Variants in HOMER1 observed in about 807,000 individuals in gnomAD.
HOMER1 encodes homer protein homolog 1.
Under a neutral mutation model 48.9 loss-of-function variants are expected in HOMER1, and 3 were observed. The observed-to-expected ratio is 0.06, with a 90% CI of 0.03 to 0.16. The LOEUF (loss-of-function observed/expected upper bound fraction) is 0.16. HOMER1 is among the 10% of genes least tolerant of loss of function. The pLI is 1.00. For synonymous variants in HOMER1, 134 were observed against 146.4 expected, an observed-to-expected ratio of 0.92 and a Z score of 0.61; for missense variants, 247 against 411.4, an observed-to-expected ratio of 0.60 and a Z score of 3.46.
At chr5:79,405,942 G>A in intron 5 of HOMER1, among the ~76,000 whole-genome samples, 1 of 152,174 alleles carries the variant, frequency 6.6e-6, no homozygotes, top group Non-Finnish European at 1.5e-5. Flanking sequence ...TATCAGGCAT[G>A]CATATACGGT....
intron 1 of HOMER1, among the ~76,000 whole-genome samples, chr5:79,490,238 C>T (rs548844351): frequency 6.6e-6 from 1 of 152,176 alleles, no homozygotes; most frequent in Non-Finnish European, 1.5e-5. Flanking sequence ...CTAATGCTAC[C>T]ATAAGAATTT....
In HOMER1 at chr5:79,503,583, G is replaced by A. The variant is rs528258028; in HGVS notation, c.5+9187C>T. Among the ~76,000 whole-genome samples the A allele has an allele frequency of 6.0e-5, 9 of 150,510 alleles. No individual in the cohort carries two copies. The East Asian group carries it at 9.7e-4, about 16-fold the overall frequency. Reference sequence around the variant, plus strand: ...AGGCCAGGTGCCATGGCTCACGCCTGTAATCTCAGCACTTTGGGAGGCTGA... The same window carrying A: ...AGGCCAGGTGCCATGGCTCACGCCTATAATCTCAGCACTTTGGGAGGCTGA... On this transcript the variant is annotated intron_variant, in intron 1 of 8. Coordinates refer to ENST00000334082, the MANE Select transcript of HOMER1 (RefSeq NM_004272.5).
chr5:79,487,414 G>A (rs768967361), intron 1 of HOMER1, among the ~76,000 whole-genome samples: 1 of 152,178 alleles, frequency 6.6e-6, no homozygotes, highest in African/African-American at 2.4e-5. Context: ...CCTGTGTAAC[G>A]CAACAGGCAA....
chr5:79,507,387 T>C (rs1343775153), intron 1 of HOMER1, among the ~76,000 whole-genome samples: 2 of 152,060 alleles, frequency 1.3e-5, no homozygotes, highest in Non-Finnish European at 2.9e-5. Context: ...GAAATGAACA[T>C]ATTTAACAGA....
At chr5:79,423,011 AG>A (rs1473691816) in intron 5 of HOMER1, among the ~76,000 whole-genome samples, 1 of 152,146 alleles carries the variant, frequency 6.6e-6, no homozygotes, top group Non-Finnish European at 1.5e-5. Context: ...ACTTTAAGTT[AG>A]TCTAGAACTT....
At chr5:79,440,287 T>C (rs1455857881) in intron 4 of HOMER1, among the ~76,000 whole-genome samples, 6 of 152,220 alleles carry the variant, frequency 3.9e-5, no homozygotes, top group Non-Finnish European at 7.3e-5. Context: ...AGAAAAAATA[T>C]GTAAATATTA....
At chr5:79,502,045 C>CAG (rs112161769) in intron 1 of HOMER1, among the ~76,000 whole-genome samples, 4,180 of 101,408 alleles carry the variant, frequency 0.041, 216 homozygotes, top group African/African-American at 0.15. Context: ...TTTTTTGAGA[C>CAG]AGTCTCATTC....
At chr5:79,385,659 T>C (rs1010877502) in intron 8 of HOMER1, among the ~76,000 whole-genome samples, 5 of 151,974 alleles carry the variant, frequency 3.3e-5, no homozygotes, top group African/African-American at 1.2e-4. Context: ...CTGACCAACA[T>C]GGTGTAAACC....
chr5:79,457,597 G>A (rs1751208312), intron 1 of HOMER1, among the ~76,000 whole-genome samples: 1 of 152,150 alleles, frequency 6.6e-6, no homozygotes, highest in South Asian at 2.1e-4. Context: ...GTTTCACTGA[G>A]GCATGAGTTA....
chr5:79,393,025 C>G (rs1169633449), intron 8 of HOMER1, among the ~76,000 whole-genome samples: 1 of 146,892 alleles, frequency 6.8e-6, no homozygotes, highest in Non-Finnish European at 1.5e-5. Flanking sequence ...CAAATATAGC[C>G]AAAATGACAT....
At chr5:79,452,108 T>A (rs1348294748) in intron 2 of HOMER1, among the ~76,000 whole-genome samples, 2 of 152,118 alleles carry the variant, frequency 1.3e-5, no homozygotes, top group Non-Finnish European at 2.9e-5. Context: ...ATATACGAGG[T>A]CAACTCTCTA....
chr5:79,413,135 C>T (rs1449595951), intron 5 of HOMER1, among the ~76,000 whole-genome samples: 1 of 152,124 alleles, frequency 6.6e-6, no homozygotes, highest in Non-Finnish European at 1.5e-5. Context: ...TTTGATAGAG[C>T]CCCAGGAACC....
intron 1 of HOMER1, among the ~76,000 whole-genome samples, chr5:79,469,205 T>C (rs1284468200): frequency 6.6e-6 from 1 of 152,140 alleles, no homozygotes; most frequent in Non-Finnish European, 1.5e-5. Flanking sequence ...AGTAAGTAAA[T>C]GCATGTTAGT....
intron 5 of HOMER1, among the ~76,000 whole-genome samples, chr5:79,410,980 A>G (rs1327149972): frequency 1.3e-5 from 2 of 152,206 alleles, no homozygotes; most frequent in Non-Finnish European, 2.9e-5. Context: ...TGATTCAGAA[A>G]ATACACTGAA....
chr5:79,391,453 GA>G (rs111525802), intron 8 of HOMER1, among the ~76,000 whole-genome samples: 4,445 of 146,576 alleles, frequency 0.03, 217 homozygotes, highest in African/African-American at 0.1. Flanking sequence ...TTTTATGTAT[GA>G]AAAAAAAAGG....
intron 6 of HOMER1, 80 bp downstream of exon 6, chr5:79,401,819 G>T: frequency 1.5e-6 from 2 of 1,359,064 alleles, no homozygotes; most frequent in Non-Finnish European, 2.1e-6. Flanking sequence ...ATATCCCTGT[G>T]CTGAATCTAC....
At chr5:79,474,595 T>C (rs1751710349) in intron 1 of HOMER1, among the ~76,000 whole-genome samples, 1 of 152,142 alleles carries the variant, frequency 6.6e-6, no homozygotes, top group African/African-American at 2.4e-5. Context: ...AGACTACAAC[T>C]CAATACACTC....
chr5:79,425,924 T>C (rs954004589), intron 5 of HOMER1, among the ~76,000 whole-genome samples: 1 of 152,010 alleles, frequency 6.6e-6, no homozygotes, highest in African/African-American at 2.4e-5. Flanking sequence ...CTGAAAACAC[T>C]TTTGCTAATA....
At chr5:79,471,789 T>C (rs1580006088) in intron 1 of HOMER1, among the ~76,000 whole-genome samples, 1 of 152,282 alleles carries the variant, frequency 6.6e-6, no homozygotes, top group Middle Eastern at 3.4e-3. Context: ...CCTCTTTTGT[T>C]CCAGCCACAG....
Sources: allele counts gnomAD v4.1 joint callset (sites outside exome capture counted in the v4.1 genomes callset), GRCh38; gene constraint gnomAD v4.1.1; transcripts MANE v1.5; gene names NCBI Gene and HGNC (gene_info 2026-07-23, HGNC 2026-07-21).